TMEM123: variants seen among roughly 807,000 people sequenced by gnomAD.
TMEM123 encodes the protein transmembrane protein 123.
Under a neutral mutation model 19.7 loss-of-function variants are expected in TMEM123, and 16 were observed. That is an observed-to-expected ratio of 0.81 (90% CI 0.55 to 1.23). The LOEUF is 1.23. Ranked by LOEUF, TMEM123 falls within the 50% of genes most tolerant of loss-of-function variation. The pLI, the probability that TMEM123 is intolerant of heterozygous loss-of-function variation, is 0.00. For synonymous variants in TMEM123, 118 were observed against 99.4 expected, an observed-to-expected ratio of 1.19 and a Z score of -1.12; for missense variants, 313 against 257.8, an observed-to-expected ratio of 1.21 and a Z score of -1.47.
At chr11:102,406,260 G>T (rs1387274891) in intron 2 of TMEM123, among the ~76,000 whole-genome samples, 1 of 152,182 alleles carries the variant, frequency 6.6e-6, no homozygotes, top group Non-Finnish European at 1.5e-5. Flanking sequence ...TCAGTGTGCA[G>T]GGTGTCCACT....
At position 102,400,245 on chromosome 11, in the gene TMEM123, T is replaced by C. The variant is rs75488102; in HGVS notation, c.602+1294A>G. Among the ~76,000 whole-genome samples the C allele has an allele frequency of 5.3e-3, 801 of 152,310 alleles. 5 individuals are homozygous for C. The highest frequency in any genetic ancestry group is 0.016 in the African/African-American group (669 of 41,562). ...TCCACACAATACTAGTTCCAAGAGA[T>C]AGACAGTGTTAGCTCCCATTGAAGA... On this transcript the variant is annotated intron_variant, in intron 4 of 4. Transcript: ENST00000398136.
intron 2 of TMEM123, among the ~76,000 whole-genome samples, chr11:102,427,923 CTG>C (rs1952143460): frequency 6.6e-6 from 1 of 151,824 alleles, no homozygotes; most frequent in South Asian, 2.1e-4. Context: ...AATATTTACT[CTG>C]AGATTCAGAA....
chr11:102,401,732 T>A (rs1282650099), intron 3 of TMEM123, 40 bp from the exon 4 acceptor site: 17 of 1,528,768 alleles, frequency 1.1e-5, no homozygotes, highest in East Asian at 9.1e-5. Context: ...TAGCGTTATT[T>A]TTTTTTTTTT....
At chr11:102,442,473 A>T (rs1356847778) in intron 2 of TMEM123, among the ~76,000 whole-genome samples, 1 of 152,228 alleles carries the variant, frequency 6.6e-6, no homozygotes, top group African/African-American at 2.4e-5. Context: ...AGATGCAGAA[A>T]AGGCCTTCAA....
chr11:102,409,551 T>TA (rs963670644), intron 2 of TMEM123, among the ~76,000 whole-genome samples: 97 of 145,806 alleles, frequency 6.7e-4, no homozygotes, highest in Admixed American at 1.7e-3. Flanking sequence ...AAATCTAGAT[T>TA]AAAAAAAAAA....
At chr11:102,432,303 A>G (rs1000450054) in intron 2 of TMEM123, among the ~76,000 whole-genome samples, 4 of 152,214 alleles carry the variant, frequency 2.6e-5, no homozygotes, top group South Asian at 2.1e-4. Flanking sequence ...AACGGCTTTG[A>G]CCAAAATGCT....
At chr11:102,448,503 T>C in intron 2 of TMEM123, 1 of 340,430 alleles carries the variant, frequency 2.9e-6, no homozygotes. Flanking sequence ...TGACATTTCA[T>C]ATCTACAGGC....
intron 2 of TMEM123, among the ~76,000 whole-genome samples, chr11:102,431,804 G>A (rs548290044): frequency 6.6e-6 from 1 of 152,252 alleles, no homozygotes; most frequent in African/African-American, 2.4e-5. Flanking sequence ...GCAGTGACCC[G>A]GTGGTAGGTA....
At chr11:102,437,001 T>A (rs985116854) in intron 2 of TMEM123, among the ~76,000 whole-genome samples, 2 of 152,216 alleles carry the variant, frequency 1.3e-5, no homozygotes, top group African/African-American at 4.8e-5. Context: ...TGTTTTATGT[T>A]CTACACCATC....
intron 2 of TMEM123, among the ~76,000 whole-genome samples, chr11:102,405,845 C>T (rs143543428): frequency 1.5e-4 from 23 of 152,300 alleles, no homozygotes; most frequent in African/African-American, 5.3e-4. Context: ...ATGTCAATTT[C>T]TTTGTCGATT....
At chr11:102,404,139 C>G (rs1314522516) in intron 2 of TMEM123, among the ~76,000 whole-genome samples, 1 of 152,212 alleles carries the variant, frequency 6.6e-6, no homozygotes, top group Non-Finnish European at 1.5e-5. Context: ...CCTGCTTTCT[C>G]CTTTCCCCCA....
In TMEM123 at chr11:102,402,074, G is replaced by A. The variant is rs35374299; in HGVS notation, c.290C>T (p.Thr97Ile). Residue 97 changes from threonine to isoleucine, a missense_variant, in exon 3 of 5, where the codon ACA becomes ATA. Transcript: ENST00000398136. ...TGTTGAGACCATCCCTGGTGTTGTTGTATTAGATGCCGCTGTAGGTTTCAT... is the reference window on the plus strand; with the variant it reads ...TGTTGAGACCATCCCTGGTGTTGTTATATTAGATGCCGCTGTAGGTTTCAT... ...TTMKPTAASN[T>I]TTPGMVSTNM... is the part of the protein sequence containing the mutation. 10 of 1,614,108 alleles carry A rather than the reference G, an allele frequency of 6.2e-6. No individual in the cohort carries two copies. Among genetic ancestry groups the A allele is most frequent in the East Asian group, 4.5e-5 (2 of 44,862 alleles).
rs148682037 is a variant in TMEM123, at chr11:102,402,511, T to C, written c.158-305A>G. ...TGCAGGGACATGTCTTAATCATCTC[T>C]GTCTGAACATCTCAACGTATTTCAT... On this transcript the variant is annotated intron_variant, in intron 2 of 4. Coordinates refer to ENST00000398136, the MANE Select transcript of TMEM123 (RefSeq NM_052932.3). Among the ~76,000 whole-genome samples the C allele has an allele frequency of 1.7e-3, 264 of 152,104 alleles. 5 individuals carry two copies. The highest frequency in any genetic ancestry group is 0.016 in the Admixed American group (243 of 15,284).
chr11:102,424,494 C>G (rs1952110393), intron 2 of TMEM123, among the ~76,000 whole-genome samples: 1 of 152,140 alleles, frequency 6.6e-6, no homozygotes, highest in South Asian at 2.1e-4. Flanking sequence ...CAAGACCAGC[C>G]TGGCCAACAT....
chr11:102,440,396 C>A (rs1024604193), intron 2 of TMEM123, among the ~76,000 whole-genome samples: 1 of 152,330 alleles, frequency 6.6e-6, no homozygotes, highest in East Asian at 1.9e-4. Flanking sequence ...GGCCAATATT[C>A]AACATTCTTA....
At chr11:102,407,979 T>C (rs1951970274) in intron 2 of TMEM123, among the ~76,000 whole-genome samples, 1 of 152,234 alleles carries the variant, frequency 6.6e-6, no homozygotes, top group African/African-American at 2.4e-5. Context: ...CTAGTGATTC[T>C]ATTGAGCTGG....
Position 102,445,699 on chromosome 11 carries a change from C to T in TMEM123, c.157+3113G>A, listed in dbSNP as rs188576785. Among the ~76,000 whole-genome samples, 379 of 152,278 alleles carry T rather than the reference C, an allele frequency of 2.5e-3. 1 individual carries two copies. The highest frequency in any genetic ancestry group is 8.5e-3 in the African/African-American group (353 of 41,550). ...GCCTTCTTCTGTAGAAATCTAAATGCAAGCCAGGTCCAAGTGCTCAAAATG... is the reference window on the plus strand; with the variant it reads ...GCCTTCTTCTGTAGAAATCTAAATGTAAGCCAGGTCCAAGTGCTCAAAATG... On this transcript the variant is annotated intron_variant, in intron 2 of 4. Coordinates refer to ENST00000398136, the MANE Select transcript of TMEM123 (RefSeq NM_052932.3).
intron 2 of TMEM123, among the ~76,000 whole-genome samples, chr11:102,421,046 C>A (rs1044344483): frequency 6.6e-6 from 1 of 151,998 alleles, no homozygotes; most frequent in African/African-American, 2.4e-5. Context: ...GACTCCATCT[C>A]GAAAGAAAAC....
rs922758368 is a variant in TMEM123 at position 102,401,163 on chromosome 11, C to T, written c.602+376G>A. Among the ~76,000 whole-genome samples the T allele has an allele frequency of 4.6e-5, 7 of 152,096 alleles. 1 individual carries two copies. The South Asian group carries it at 1.5e-3, about 32-fold the overall frequency. ...GTGGAAAACAAAAGCCATGGTTTTACCAAGGATGCTATTTAGTACCACAAC... is the reference window on the plus strand; with the variant it reads ...GTGGAAAACAAAAGCCATGGTTTTATCAAGGATGCTATTTAGTACCACAAC... On this transcript the variant is annotated intron_variant, in intron 4 of 4. Coordinates refer to ENST00000398136, the MANE Select transcript of TMEM123 (RefSeq NM_052932.3).
Sources: gnomAD v4.1 joint callset for allele counts (sites outside exome capture counted in the v4.1 genomes callset) on GRCh38, gnomAD v4.1.1 for gene constraint, MANE v1.5 for transcripts, NCBI Gene and HGNC (gene_info 2026-07-23, HGNC 2026-07-21) for gene names.